The following ATF7 variants were observed in gnomAD, a reference collection of about 807,000 sequenced individuals.
ATF7 encodes the protein activating transcription factor 7, also known as cyclic AMP-dependent transcription factor ATF-7.
In ATF7, 10 loss-of-function variants were observed where a neutral mutation model predicts 50.4. The observed-to-expected ratio is 0.20, with a 90% confidence interval of 0.12 to 0.34. The LOEUF is 0.34. ATF7 is among the 10% of genes least tolerant of loss of function. The pLI, the probability that ATF7 is intolerant of heterozygous loss-of-function variation, is 1.00. For missense variants in ATF7, 465 were observed against 613.9 expected, an observed-to-expected ratio of 0.76 and a Z score of 2.56; for synonymous variants, 201 against 226.4, an observed-to-expected ratio of 0.89 and a Z score of 1.01.
chr12:53,556,276 T>C (rs776634685), intron 2 of ATF7, among the ~76,000 whole-genome samples: 15 of 152,216 alleles, frequency 9.9e-5, no homozygotes, highest in Non-Finnish European at 1.9e-4. Context: ...TGTAATCCTA[T>C]GTATTTCATG....
chr12:53,598,594 C>T (rs942469001), intron 2 of ATF7, among the ~76,000 whole-genome samples: 4 of 152,086 alleles, frequency 2.6e-5, no homozygotes, highest in African/African-American at 4.8e-5. Flanking sequence ...AGTCAAAGTC[C>T]CTACTATTTT....
At chr12:53,558,095 C>T in intron 2 of ATF7, among the ~76,000 whole-genome samples, 1 of 152,224 alleles carries the variant, frequency 6.6e-6, no homozygotes, top group East Asian at 1.9e-4. Flanking sequence ...GAATTTTAAT[C>T]ATGTACCAAT....
rs1013899503 is a variant in ATF7, at chr12:53,525,188, T to C, written c.928-427A>G. Among the ~76,000 whole-genome samples, 3 of 152,120 alleles carry C rather than the reference T, an allele frequency of 2.0e-5. No homozygotes were observed. The South Asian group carries it at 6.2e-4, about 32-fold the overall frequency. On this transcript the variant is annotated intron_variant, in intron 9 of 11. Coordinates refer to ENST00000420353, the MANE Select transcript of ATF7 (RefSeq NM_006856.3). The stretch of plus-strand genomic sequence containing the variant: ...GGCTAACATGGTGAAACCTCATCTC[T>C]ACTAAAAATACAAAATTAGCCGGGT...
intron 2 of ATF7, among the ~76,000 whole-genome samples, chr12:53,587,366 C>CAAAAAAAAAAAAAAAAA (rs55904354): frequency 2.4e-4 from 15 of 62,256 alleles, no homozygotes; most frequent in Middle Eastern, 9.6e-3. Flanking sequence ...AATTCCGCAT[C>CAAAAAAAAAAAAAAAAA]AAAAAAAAAA....
chr12:53,569,183 A>T (rs925368145), intron 2 of ATF7, among the ~76,000 whole-genome samples: 6 of 150,656 alleles, frequency 4.0e-5, no homozygotes, highest in Admixed American at 6.6e-5. Context: ...CTTAAAAAAA[A>T]TAAAAAATAA....
intron 11 of ATF7, among the ~76,000 whole-genome samples, chr12:53,519,003 G>A (rs1180810901): frequency 2.0e-5 from 3 of 150,310 alleles, no homozygotes; most frequent in African/African-American, 7.4e-5. Context: ...GCAGTGAGCC[G>A]AGATTGTGCC....
At chr12:53,574,066 C>T (rs986964058) in intron 2 of ATF7, among the ~76,000 whole-genome samples, 2 of 152,218 alleles carry the variant, frequency 1.3e-5, no homozygotes, top group South Asian at 4.1e-4. Context: ...AATTGTAAGT[C>T]ATATTAAAAG....
At chr12:53,577,803 A>G (rs1218919284) in intron 2 of ATF7, among the ~76,000 whole-genome samples, 1 of 152,152 alleles carries the variant, frequency 6.6e-6, no homozygotes, top group African/African-American at 2.4e-5. Flanking sequence ...GCGATAACTA[A>G]AAATGTCCCC....
At chr12:53,552,478 C>A in intron 3 of ATF7, 63 bp downstream of exon 3, 1 of 1,266,964 alleles carries the variant, frequency 7.9e-7, no homozygotes, top group South Asian at 1.2e-5. Context: ...TACATCTGGT[C>A]TCTGGTATTA....
At chr12:53,559,678 CAA>C (rs34508161) in intron 2 of ATF7, among the ~76,000 whole-genome samples, 4 of 85,180 alleles carry the variant, frequency 4.7e-5, no homozygotes, top group Admixed American at 1.4e-4. Flanking sequence ...GACTCCATCT[CAA>C]AAAAAAAAAA....
intron 4 of ATF7, among the ~76,000 whole-genome samples, chr12:53,540,950 C>T (rs974774155): frequency 2.0e-5 from 3 of 152,042 alleles, no homozygotes; most frequent in East Asian, 1.9e-4. Context: ...AGGCTGGTCT[C>T]GAGCTCCTGA....
At chr12:53,581,104 T>A in intron 2 of ATF7, among the ~76,000 whole-genome samples, 1 of 149,826 alleles carries the variant, frequency 6.7e-6, no homozygotes. Context: ...AGAGCAAGAT[T>A]CCATCTCAAA....
chr12:53,614,544 A>C (rs1458786957), intron 1 of ATF7, among the ~76,000 whole-genome samples: 1 of 152,242 alleles, frequency 6.6e-6, no homozygotes, highest in Non-Finnish European at 1.5e-5. Flanking sequence ...ACAGGCTTTA[A>C]TATTAAAGTA....
In ATF7 at chr12:53,524,707, C is replaced by A. The variant is rs776502480; in HGVS notation, c.982G>T (p.Asp328Tyr). 15 of 1,613,116 alleles carry A rather than the reference C, an allele frequency of 9.3e-6. No homozygotes were observed. Among genetic ancestry groups the A allele is most frequent in the Non-Finnish European group, 1.2e-5 (14 of 1,179,768 alleles). The change falls in exon 10 of 12, where the codon GAT becomes TAT. Residue 328 changes from aspartate to tyrosine, a missense_variant. By Grantham distance (160) the Asp-to-Tyr change is radical. Coordinates refer to ENST00000420353, the MANE Select transcript of ATF7 (RefSeq NM_006856.3). The surrounding 1 kb of genome is among the most constrained non-coding windows in gnomAD (Gnocchi z 4.6). ...STGGRRRRTVDEDPDERRQRF... is the reference protein window; with the variant it reads ...STGGRRRRTVYEDPDERRQRF... Reference sequence around the variant, plus strand: ...TGCCGTCGCTCATCTGGATCTTCATCTACTGTGCGCCGCCGTCGCCCCCCA... The same window carrying A: ...TGCCGTCGCTCATCTGGATCTTCATATACTGTGCGCCGCCGTCGCCCCCCA...
chr12:53,526,102 T>C (rs1224623473), intron 9 of ATF7, among the ~76,000 whole-genome samples: 2 of 150,518 alleles, frequency 1.3e-5, no homozygotes, highest in Middle Eastern at 3.2e-3. Context: ...CCCAGCTACT[T>C]GGGAGGCTGA....
At chr12:53,600,172 G>A (rs1244700356) in intron 2 of ATF7, among the ~76,000 whole-genome samples, 1 of 152,062 alleles carries the variant, frequency 6.6e-6, no homozygotes, top group Non-Finnish European at 1.5e-5. Context: ...TGCTAACAAT[G>A]ATTTTCTGGA....
Position 53,516,968 on chromosome 12 carries a change from G to A in ATF7, c.*169C>T, listed in dbSNP as rs1037793186. On this transcript the variant is annotated 3_prime_UTR_variant, in exon 12 of 12. Transcript: ENST00000420353. ...GAGGCCCCCAGCACAGGTGTCAAAC[G>A]TACATGACCACATGGCTAAAAAGCC... is the stretch of plus-strand genomic sequence containing the variant. 4.3e-5 allele frequency: 33 copies of A among 763,362 alleles called. No homozygotes were observed. The South Asian group carries it at 4.7e-4, about 11-fold the overall frequency. The allele number at this position is 763,362 out of a possible 1,614,324, so 47.3% of individuals were successfully genotyped here.
chr12:53,530,765 G>T (rs1052543453), intron 9 of ATF7, among the ~76,000 whole-genome samples: 2 of 151,776 alleles, frequency 1.3e-5, no homozygotes, highest in Non-Finnish European at 2.9e-5. Flanking sequence ...ACATCACCAT[G>T]CCCCGCTAAT....
chr12:53,622,809 C>T (rs995745088), intron 1 of ATF7, among the ~76,000 whole-genome samples: 2 of 151,632 alleles, frequency 1.3e-5, no homozygotes, highest in Middle Eastern at 3.4e-3. Context: ...CCAATCTCTA[C>T]AAAAAATTTA....
Sources: allele counts gnomAD v4.1 joint callset (sites outside exome capture counted in the v4.1 genomes callset), GRCh38; gene constraint gnomAD v4.1.1; non-coding constraint Gnocchi (gnomAD v3.1); transcripts MANE v1.5; gene names NCBI Gene and HGNC (gene_info 2026-07-23, HGNC 2026-07-21).